DISC1: variants seen among roughly 807,000 people sequenced by gnomAD.
DISC1 encodes the protein disrupted in schizophrenia 1 protein.
DISC1 carries 57 observed loss-of-function variants against 84.5 expected under a neutral mutation model. The observed-to-expected ratio is 0.67, with a 90% CI of 0.55 to 0.84. DISC1 has a LOEUF of 0.84. DISC1 is among the 40% of genes least tolerant of loss of function. The pLI, the probability that DISC1 is intolerant of heterozygous loss-of-function variation, is 0.00. For missense variants in DISC1, 1,000 were observed against 1,057.8 expected (o/e 0.95, Z 0.76); for synonymous variants, 411 against 415.2 (o/e 0.99, Z 0.12).
intron 9 of DISC1, among the ~76,000 whole-genome samples, chr1:231,953,511 T>C (rs1264670682): frequency 6.6e-6 from 1 of 152,224 alleles, no homozygotes; most frequent in African/African-American, 2.4e-5. Context: ...GAACAAAGGT[T>C]CTTTCATTCA....
intron 9 of DISC1, among the ~76,000 whole-genome samples, chr1:231,902,958 C>T (rs1571931897): frequency 6.6e-6 from 1 of 152,226 alleles, no homozygotes; most frequent in African/African-American, 2.4e-5. Flanking sequence ...ATCTCTGTCT[C>T]CATTGTGTGT....
intron 10 of DISC1, among the ~76,000 whole-genome samples, chr1:231,984,955 A>G (rs1664192669): frequency 6.6e-6 from 1 of 152,126 alleles, no homozygotes; most frequent in Non-Finnish European, 1.5e-5. Context: ...TGGCCTCCTC[A>G]ATATTTTCTA....
intron 1 of DISC1, among the ~76,000 whole-genome samples, chr1:231,684,085 AG>A (rs2063973267): frequency 6.6e-6 from 1 of 151,980 alleles, no homozygotes; most frequent in African/African-American, 2.4e-5. Flanking sequence ...TGTCTTCCCC[AG>A]GGAGCCATGA....
At chr1:231,716,483 T>C (rs182461675) in intron 3 of DISC1, among the ~76,000 whole-genome samples, 107 of 152,328 alleles carry the variant, frequency 7.0e-4, no homozygotes, top group African/African-American at 2.4e-3. Context: ...TCTCTCGTTT[T>C]CTGCCTGATG....
At chr1:231,652,116 A>G (rs1018962306) in intron 1 of DISC1, among the ~76,000 whole-genome samples, 2 of 152,042 alleles carry the variant, frequency 1.3e-5, no homozygotes, top group Non-Finnish European at 2.9e-5. Flanking sequence ...ACCAGTCCCA[A>G]TGAGATAAAC....
Position 231,897,641 on chromosome 1 carries a change from CAA to C in DISC1, c.1982-61185_1982-61184del, listed in dbSNP as rs2087810201. ...TTGGGCTGCTGTCAGTGCTCTGACA[CAA>C]AGTTTCCCATCTGATTTTGAGCTGG... On this transcript the variant is annotated intron_variant, in intron 9 of 12. Coordinates refer to ENST00000439617, the MANE Select transcript of DISC1 (RefSeq NM_018662.3). This position sits in a 1 kb window ranked among gnomAD's most constrained non-coding sequence, Gnocchi z 4.5. Among the ~76,000 whole-genome samples the C allele has an allele frequency of 1.3e-5, 2 of 152,120 alleles. No individual in the cohort carries two copies. Among genetic ancestry groups the C allele is most frequent in the African/African-American group, 2.4e-5 (1 of 41,414 alleles).
rs1670698479 is a variant in DISC1 at position 232,039,660 on chromosome 1, G to A, written c.*2829G>A. The A allele has an allele frequency of 6.6e-6, 1 of 152,134 alleles. No individual in the cohort carries two copies. Among genetic ancestry groups the A allele is most frequent in the African/African-American group, 2.4e-5 (1 of 41,422 alleles). 9.4% of individuals were successfully genotyped at this position (152,134 alleles called of 1,614,324 possible). On this transcript the variant is annotated 3_prime_UTR_variant, in exon 13 of 13. Transcript: ENST00000439617. ...GCCACTTTGACCCTGGGAGACACAGGACTGTGTATCCTCAATCATACTATA... is the reference window on the plus strand; with the variant it reads ...GCCACTTTGACCCTGGGAGACACAGAACTGTGTATCCTCAATCATACTATA...
intron 12 of DISC1, among the ~76,000 whole-genome samples, chr1:232,030,298 C>G (rs1334454024): frequency 6.6e-6 from 1 of 152,204 alleles, no homozygotes; most frequent in Non-Finnish European, 1.5e-5. Context: ...ATATTGTAAC[C>G]AAAAGCCTTC....
chr1:231,919,145 T>C lies in DISC1; in HGVS notation c.1982-39683T>C, dbSNP rs536319388. 3.7e-4 allele frequency among the ~76,000 whole-genome samples: 57 copies of C among 152,344 alleles called. No individual in the cohort carries two copies. The South Asian group carries it at 0.012, about 32-fold the overall frequency. ...CTGATGGTTTTTAAGAAGCAGAAAA[T>C]ACCAGTTTTGTCCTCACTGATTGAT... On this transcript the variant is annotated intron_variant, in intron 9 of 12. Transcript: ENST00000439617.
chr1:231,898,237 C>T (rs996644151), intron 9 of DISC1, among the ~76,000 whole-genome samples: 5 of 152,142 alleles, frequency 3.3e-5, no homozygotes, highest in South Asian at 4.1e-4. Flanking sequence ...ATAACCCATC[C>T]GTGCAAATGT....
Position 232,013,699 on chromosome 1 carries a change from C to T in DISC1, c.2307+4650C>T, listed in dbSNP as rs200170800. On this transcript the variant is annotated intron_variant, in intron 11 of 12. Transcript: ENST00000439617. ...TAATGGTTATAGACTGGGGGGTGAGCGGACCAGCAAGCCCTGTCTGTTCAG... is the reference window on the plus strand; with the variant it reads ...TAATGGTTATAGACTGGGGGGTGAGTGGACCAGCAAGCCCTGTCTGTTCAG... Among the ~76,000 whole-genome samples, 31 of 152,224 alleles carry T rather than the reference C, an allele frequency of 2.0e-4. No homozygotes were observed. In the East Asian group the frequency reaches 5.2e-3, roughly 26 times the overall value.
chr1:231,957,583 G>C (rs1460661982), intron 9 of DISC1, among the ~76,000 whole-genome samples: 1 of 152,120 alleles, frequency 6.6e-6, no homozygotes, highest in Non-Finnish European at 1.5e-5. Flanking sequence ...GGGCGTTTCT[G>C]GTTTGGGCAT....
intron 9 of DISC1, among the ~76,000 whole-genome samples, chr1:231,952,691 T>TTATATATATATATATATATATATGTA (rs1188772018): frequency 9.4e-4 from 133 of 141,830 alleles, no homozygotes; most frequent in Non-Finnish European, 1.8e-3. Context: ...ATATATATGT[T>TTATATATATATATATATATATATGTA]TATATATATA....
intron 12 of DISC1, among the ~76,000 whole-genome samples, chr1:232,027,145 T>A (rs1435887204): frequency 1.3e-5 from 2 of 152,126 alleles, no homozygotes; most frequent in African/African-American, 4.8e-5. Flanking sequence ...TTCAAGTGAG[T>A]GTAAATCCAG....
chr1:231,834,745 C>T lies in DISC1; in HGVS notation c.1981+16228C>T, dbSNP rs560785726. Among the ~76,000 whole-genome samples, 11 of 151,732 alleles carry T rather than the reference C, an allele frequency of 7.2e-5. No homozygotes were observed. In the East Asian group the frequency reaches 1.6e-3, roughly 22 times the overall value. On this transcript the variant is annotated intron_variant, in intron 9 of 12. Transcript: ENST00000439617. ...CCAGAGAAAAGAGAGAGTAGAGACA[C>T]GGAGAGAAGGGATGGGGGGTTCTTG... is the stretch of plus-strand genomic sequence containing the variant.
At chr1:231,870,403 A>G (rs1159491046) in intron 9 of DISC1, among the ~76,000 whole-genome samples, 3 of 152,264 alleles carry the variant, frequency 2.0e-5, no homozygotes, top group Non-Finnish European at 4.4e-5. Context: ...TCTTTTCCCT[A>G]TAATGCATCC....
At position 231,886,758 on chromosome 1, in the gene DISC1, CCTTCCTTCCTTTCTTT is replaced by C. The variant is rs1303476407; in HGVS notation, c.1981+68245_1981+68260del. 1.4e-4 allele frequency among the ~76,000 whole-genome samples: 13 copies of C among 95,832 alleles called. No individual in the cohort carries two copies. The South Asian group carries it at 2.6e-3, about 19-fold the overall frequency. 62.9% of individuals were successfully genotyped at this position (95,832 alleles called of 152,430 possible). A position where few individuals can be genotyped will look rare whatever the true frequency, so the allele number is the denominator to read the frequency against. On this transcript the variant is annotated intron_variant, in intron 9 of 12. Transcript: ENST00000439617. ...CTTTCTTTCTCTTTCTTCCTTTCTT[CCTTCCTTCCTTTCTTT>C]CTTTCTTTCTTTCTTTCTTTCTTTC... is the stretch of plus-strand genomic sequence containing the variant.
chr1:231,915,104 TG>T (rs2089516823), intron 9 of DISC1, among the ~76,000 whole-genome samples: 1 of 152,228 alleles, frequency 6.6e-6, no homozygotes, highest in Non-Finnish European at 1.5e-5. Context: ...TACTTGTTTT[TG>T]ACGTTATAGT....
intron 9 of DISC1, among the ~76,000 whole-genome samples, chr1:231,942,510 CA>C (rs545521929): frequency 4.4e-4 from 67 of 152,144 alleles, no homozygotes; most frequent in Middle Eastern, 6.8e-3. Context: ...ACTAAAAATA[CA>C]AAAATTAGCC....
Sources: allele counts gnomAD v4.1 joint callset (sites outside exome capture counted in the v4.1 genomes callset), GRCh38; gene constraint gnomAD v4.1.1; non-coding constraint Gnocchi (gnomAD v3.1); transcripts MANE v1.5; gene names NCBI Gene and HGNC (gene_info 2026-07-23, HGNC 2026-07-21).